Variants in SLC26A1 observed in about 807,000 individuals in gnomAD.
SLC26A1 encodes the protein solute carrier family 26 member 1, also known as sulfate anion transporter 1.
Under a neutral mutation model 14.5 loss-of-function variants are expected in SLC26A1, and 18 were observed. The observed-to-expected ratio is 1.24, with a 90% confidence interval of 0.86 to 1.84. The LOEUF is 1.84. Ranked by LOEUF, SLC26A1 falls within the 40% of genes most tolerant of loss-of-function variation. SLC26A1 has a pLI of 0.00. For missense variants in SLC26A1, 1,049 were observed against 1,020.0 expected, an observed-to-expected ratio of 1.03 and a Z score of -0.39; for synonymous variants, 505 against 492.0, an observed-to-expected ratio of 1.03 and a Z score of -0.35.
At chr4:986,980 C>T, downstream of SLC26A1, 3 of 1,154,286 alleles carry the variant, frequency 2.6e-6, no homozygotes, top group Non-Finnish European at 3.6e-6. Context: ...TCACCAAGGC[C>T]CCGCCCCGCG....
chr4:986,087 A>AT (rs935702042), downstream of SLC26A1, among the ~76,000 whole-genome samples: 9 of 149,674 alleles, frequency 6.0e-5, no homozygotes, highest in South Asian at 4.3e-4. Flanking sequence ...ATCTGGCTAA[A>AT]TTTTTTTTTT....
In SLC26A1 at chr4:991,632, GGGTGCTGGGCGCTGCCGTCGGACC is replaced by G. The variant is rs1714347111; in HGVS notation, c.48_71del (p.Val17_Pro24del). The G allele has an allele frequency of 4.4e-6, 7 of 1,574,230 alleles. No homozygotes were observed. The highest frequency in any genetic ancestry group is 6.0e-6 in the Non-Finnish European group (7 of 1,166,512). On this transcript the variant is annotated inframe_deletion, in exon 2 of 3. Transcript: ENST00000398516. ...CCTTCAGCATCTCACGCAGACCCCG[GGGTGCTGGGCGCTGCCGTCGGACC>G]GGCACCGGCCCTCTGCCCTGCTGCA...
At position 989,265 on chromosome 4, in the gene SLC26A1, G is replaced by C; in HGVS notation, c.1674C>G (p.Leu558=). 6.2e-7 allele frequency: 1 copy of C among 1,612,710 alleles called. No individual in the cohort carries two copies. Among genetic ancestry groups the C allele is most frequent in the Non-Finnish European group, 8.5e-7 (1 of 1,179,878 alleles). Residue 558 remains leucine, a synonymous_variant, in exon 3 of 3, where the codon CTC becomes CTG. Coordinates refer to ENST00000398516, the MANE Select transcript of SLC26A1 (RefSeq NM_022042.4). ...YANKDFFLQS[L]YSLTGLDAGC... The stretch of plus-strand genomic sequence containing the variant: ...CTGCGTCCAGCCCCGTGAGGCTGTA[G>C]AGTGACTGCAGGAAGAAGTCCTTGT...
At chr4:987,519 G>T (rs913419680), downstream of SLC26A1, 29 of 913,942 alleles carry the variant, frequency 3.2e-5, no homozygotes, top group South Asian at 7.4e-5. Flanking sequence ...GCCCTGCAGC[G>T]GGACCTGGCC....
At position 991,393 on chromosome 4, in the gene SLC26A1, G is replaced by A. The variant is rs751574638; in HGVS notation, c.311C>T (p.Thr104Met). The change falls in exon 2 of 3, where the codon ACG (threonine) becomes ATG (methionine). Residue 104 changes from threonine (T) to methionine (M), a missense_variant. Physicochemically the swap from Thr to Met is moderately conservative, Grantham distance 81. Transcript: ENST00000398516. ...AGLQPIYSLYTSFFANLIYFL... is the reference protein window; with the variant it reads ...AGLQPIYSLYMSFFANLIYFL... ...GTAGATGAGGTTGGCGAAGAAGGAC[G>A]TATAGAGGCTGTAGATGGGCTGCAG... is the stretch of plus-strand genomic sequence containing the variant. 41 of 1,612,716 alleles carry A rather than the reference G, an allele frequency of 2.5e-5. No individual in the cohort carries two copies. Among genetic ancestry groups the A allele is most frequent in the Middle Eastern group, 1.6e-4 (1 of 6,082 alleles).
At position 990,001 on chromosome 4, in the gene SLC26A1, T is replaced by C. The variant is rs758332589; in HGVS notation, c.938A>G (p.Lys313Arg). ...TLVSHFGQLH[K>R]RFGSSVAGDI... ...GCCAGCCACGCTCGAGCCAAAGCGC[T>C]TGTGGAGCTGCCCGAAGTGCGACAC... is the stretch of plus-strand genomic sequence containing the variant. The change falls in exon 3 of 3, where the codon AAG (lysine) becomes AGG (arginine). Residue 313 changes from lysine (K) to arginine (R), a missense_variant. By Grantham distance (26) the Lys-to-Arg change is conservative. Coordinates refer to ENST00000398516, the MANE Select transcript of SLC26A1 (RefSeq NM_022042.4). The C allele has an allele frequency of 1.1e-5, 17 of 1,569,914 alleles. No homozygotes were observed. The highest frequency in any genetic ancestry group is 1.4e-5 in the Non-Finnish European group (16 of 1,159,510).
At chr4:990,413 C>A in intron 2 of SLC26A1, 51 bp from the exon 3 acceptor site, 1 of 1,502,892 alleles carries the variant, frequency 6.7e-7, no homozygotes, top group African/African-American at 1.4e-5. Flanking sequence ...GAGCCACCTG[C>A]CCCTCACCAG....
In SLC26A1 at chr4:988,367, G is replaced by C; in HGVS notation, c.*466C>G. ...AGGCACGAGGTGTGAGGGGCACTTG[G>C]GTGTGTGGGGCCTTCTGGAAACACA... is the stretch of plus-strand genomic sequence containing the variant. On this transcript the variant is annotated 3_prime_UTR_variant, in exon 3 of 3. Coordinates refer to ENST00000398516, the MANE Select transcript of SLC26A1 (RefSeq NM_022042.4). The C allele has an allele frequency of 9.3e-7, 1 of 1,073,198 alleles. No homozygotes were observed. The highest frequency in any genetic ancestry group is 1.1e-6 in the Non-Finnish European group (1 of 885,124). 66.5% of individuals were successfully genotyped at this position (1,073,198 alleles called of 1,614,324 possible). A position where few individuals can be genotyped will look rare whatever the true frequency, so the allele number is the denominator to read the frequency against.
chr4:981,529 T>G (rs955210793), intron 2 of SLC26A1, among the ~76,000 whole-genome samples: 1 of 152,128 alleles, frequency 6.6e-6, no homozygotes, highest in Admixed American at 6.5e-5. Flanking sequence ...TCCCAGGTAC[T>G]CAGGAGACTG....
chr4:980,713 A>G (rs543248167), intron 2 of SLC26A1, among the ~76,000 whole-genome samples: 1 of 152,252 alleles, frequency 6.6e-6, no homozygotes, highest in South Asian at 2.1e-4. Context: ...TGTTTAAGAA[A>G]AAAAGAAGGA....
chr4:990,461 G>A (rs1322784527), intron 2 of SLC26A1, 99 bp from the exon 3 acceptor site: 1 of 1,182,074 alleles, frequency 8.5e-7, no homozygotes, highest in Non-Finnish European at 1.2e-6. Flanking sequence ...TCACGGCACA[G>A]GACCTGACAA....
chr4:989,569 A>G lies in SLC26A1; in HGVS notation c.1370T>C (p.Val457Ala). ...VVSLRGALRKVWDLPRLWRMS... is the reference protein window; with the variant it reads ...VVSLRGALRKAWDLPRLWRMS... Reference sequence around the variant, plus strand: ...CCGCCACAGCCGCGGGAGGTCCCACACCTTGCGCAGGGCCCCCCGCAGGCT... The same window carrying G: ...CCGCCACAGCCGCGGGAGGTCCCACGCCTTGCGCAGGGCCCCCCGCAGGCT... Residue 457 changes from valine to alanine, a missense_variant, in exon 3 of 3, where the codon GTG becomes GCG. By Grantham distance (64) the Val-to-Ala change is moderately conservative. Transcript: ENST00000398516. The G allele has an allele frequency of 2.5e-6, 4 of 1,591,524 alleles. No individual in the cohort carries two copies. The highest frequency in any genetic ancestry group is 3.4e-6 in the Non-Finnish European group (4 of 1,170,736).
At chr4:979,822 C>T (rs911391716) in intron 2 of SLC26A1, among the ~76,000 whole-genome samples, 9 of 152,358 alleles carry the variant, frequency 5.9e-5, no homozygotes, top group African/African-American at 1.7e-4. Flanking sequence ...CTGTTGGCAG[C>T]GCCACACTCC....
At chr4:991,971 C>T in intron 1 of SLC26A1, 1 of 753,732 alleles carries the variant, frequency 1.3e-6, no homozygotes, top group Non-Finnish European at 2.3e-6. Context: ...CAAGCCCATG[C>T]CATGGGGTGT....
intron 2 of SLC26A1, among the ~76,000 whole-genome samples, chr4:982,624 C>T (rs76051233): frequency 6.6e-6 from 1 of 152,188 alleles, no homozygotes; most frequent in Admixed American, 6.5e-5. Flanking sequence ...TTCTTCCCCA[C>T]GTTTATTATA....
Position 989,898 on chromosome 4 carries a change from G to A in SLC26A1, c.1041C>T (p.Ala347=). 6.4e-7 allele frequency: 1 copy of A among 1,566,324 alleles called. No individual in the cohort carries two copies. Among genetic ancestry groups the A allele is most frequent in the East Asian group, 2.4e-5 (1 of 42,354 alleles). ...LMQRVALDAV[A]LALVAAAFSI... Reference sequence around the variant, plus strand: ...AGAAGGCGGCAGCCACGAGGGCCAGGGCCACGGCATCCAAAGCCACACGCT... The same window carrying A: ...AGAAGGCGGCAGCCACGAGGGCCAGAGCCACGGCATCCAAAGCCACACGCT... Residue 347 remains alanine (A), a synonymous_variant, in exon 3 of 3, where the codon GCC becomes GCT. Coordinates refer to ENST00000398516, the MANE Select transcript of SLC26A1 (RefSeq NM_022042.4).
chr4:987,189 C>CGCG (rs1713795637), downstream of SLC26A1: 1 of 1,475,604 alleles, frequency 6.8e-7, no homozygotes. Context: ...TGCATGTGGA[C>CGCG]GCGGCCCGCG....
At chr4:992,219 C>T (rs1439201866) in intron 1 of SLC26A1, 2 of 458,298 alleles carry the variant, frequency 4.4e-6, no homozygotes, top group Non-Finnish European at 8.8e-6. Flanking sequence ...GTCCACCTCC[C>T]TGGCTCCCCA....
In SLC26A1 at chr4:988,176, G is replaced by A. The variant is rs1488435452; in HGVS notation, c.*657C>T. 1 of 1,385,670 alleles carries A rather than the reference G, an allele frequency of 7.2e-7. No homozygotes were observed. Among genetic ancestry groups the A allele is most frequent in the Admixed American group, 3.1e-5 (1 of 32,076 alleles). 85.8% of individuals were successfully genotyped at this position (1,385,670 alleles called of 1,614,324 possible). A position where few individuals can be genotyped will look rare whatever the true frequency, so the allele number is the denominator to read the frequency against. On this transcript the variant is annotated 3_prime_UTR_variant, in exon 3 of 3. Coordinates refer to ENST00000398516, the MANE Select transcript of SLC26A1 (RefSeq NM_022042.4). ...TCCTGCAGGTCTCCCTGCAGGCTCA[G>A]GGTTGGCTGCGCCGCACCTGGCTCC...
Sources: allele counts gnomAD v4.1 joint callset (sites outside exome capture counted in the v4.1 genomes callset), GRCh38; gene constraint gnomAD v4.1.1; transcripts MANE v1.5; gene names NCBI Gene and HGNC (gene_info 2026-07-23, HGNC 2026-07-21).